The following NAPG variants were observed in gnomAD, a reference collection of about 807,000 sequenced individuals.
NAPG encodes the protein gamma-soluble NSF attachment protein.
A neutral mutation model predicts 48.4 loss-of-function variants in NAPG; 25 were observed. That is an observed-to-expected ratio of 0.52 (90% CI 0.38 to 0.72). The LOEUF is 0.72. Ranked by LOEUF, NAPG falls within the 30% of genes least tolerant of loss-of-function variation. NAPG has a pLI of 0.00. For missense variants in NAPG, 359 were observed against 372.5 expected, an observed-to-expected ratio of 0.96 and a Z score of 0.30; for synonymous variants, 139 against 127.2, an observed-to-expected ratio of 1.09 and a Z score of -0.62.
chr18:10,549,090 C>G lies in NAPG; in HGVS notation c.789C>G (p.Asp263Glu). 1 of 1,613,224 alleles carries G rather than the reference C, an allele frequency of 6.2e-7. No homozygotes were observed. Among genetic ancestry groups the G allele is most frequent in the Non-Finnish European group, 8.5e-7 (1 of 1,179,416 alleles). The stretch of plus-strand genomic sequence containing the variant: ...ACTCACCGCTTTTCAAGTACATGGA[C>G]AATGATGTAAGTGGACCCATTTGCA... ...VCNSPLFKYM[D>E]NDYAKLGLSL... Residue 263 changes from aspartate (D) to glutamate (E), a missense_variant, in exon 11 of 12, where the codon GAC (aspartate) becomes GAG (glutamate). Transcript: ENST00000322897.
chr18:10,530,699 T>C, intron 1 of NAPG, 71 bp from the exon 2 acceptor site: 1 of 871,230 alleles, frequency 1.1e-6, no homozygotes. Flanking sequence ...ACCTAGAAGG[T>C]CATTACAAGC....
intron 3 of NAPG, 184 bp from the exon 4 acceptor site, chr18:10,533,352 G>A (rs2031969158): frequency 2.2e-6 from 1 of 454,772 alleles, no homozygotes; most frequent in African/African-American, 2.0e-5. Flanking sequence ...GTGGTTTTGG[G>A]AATTATGTAG....
chr18:10,533,699 A>G (rs1445113675), intron 4 of NAPG, 146 bp downstream of exon 4: 1 of 645,224 alleles, frequency 1.5e-6, no homozygotes, highest in Non-Finnish European at 2.5e-6. Flanking sequence ...TTTTACCTAA[A>G]CCTTAAAAAC....
rs1400504366 is a variant in NAPG, at chr18:10,534,907, A to G, written c.258+411A>G. On this transcript the variant is annotated intron_variant, in intron 5 of 11. Transcript: ENST00000322897. The surrounding 1 kb of genome is among the most constrained non-coding windows in gnomAD (Gnocchi z 5.0). ...ACTTATGTGAATAACAGTTGGCAGC[A>G]GAAACAACCACAGATTTAAGCTTTT... is the stretch of plus-strand genomic sequence containing the variant. Among the ~76,000 whole-genome samples the G allele has an allele frequency of 2.0e-5, 3 of 152,258 alleles. No homozygotes were observed. Among genetic ancestry groups the G allele is most frequent in the Non-Finnish European group, 4.4e-5 (3 of 68,054 alleles).
At chr18:10,535,103 G>A (rs544121615) in intron 5 of NAPG, among the ~76,000 whole-genome samples, 3 of 152,166 alleles carry the variant, frequency 2.0e-5, no homozygotes, top group Non-Finnish European at 4.4e-5. Flanking sequence ...TTGAAATGAA[G>A]TATTTGTCTT....
At position 10,533,637 on chromosome 18, in the gene NAPG, A is replaced by C. The variant is rs544205220; in HGVS notation, c.227+84A>C. On this transcript the variant is annotated intron_variant, in intron 4 of 11. Transcript: ENST00000322897. The stretch of plus-strand genomic sequence containing the variant: ...TCTGTAGGTTGGTAATTTTTTCCCA[A>C]ATTATAAATTTTGTATTGATTTAAA... The C allele has an allele frequency of 3.5e-5, 41 of 1,182,676 alleles. No individual in the cohort carries two copies. In the Admixed American group the frequency reaches 8.6e-4, roughly 25 times the overall value. The allele number at this position is 1,182,676 out of a possible 1,614,324, so 73.3% of individuals were successfully genotyped here. A position where few individuals can be genotyped will look rare whatever the true frequency, so the allele number is the denominator to read the frequency against.
At chr18:10,536,407 A>G (rs2032033757) in intron 5 of NAPG, among the ~76,000 whole-genome samples, 1 of 152,206 alleles carries the variant, frequency 6.6e-6, no homozygotes, top group South Asian at 2.1e-4. Context: ...GGGGAGTGCC[A>G]TTTTGTAGAC....
At chr18:10,533,626 AT>A (rs2031974941) in intron 4 of NAPG, 73 bp downstream of exon 4, 10 of 1,273,484 alleles carry the variant, frequency 7.9e-6, no homozygotes, top group Admixed American at 5.0e-5. Flanking sequence ...TAGGTTGGTA[AT>A]TTTTTCCCAA....
At chr18:10,526,235 G>C in intron 1 of NAPG, 77 bp downstream of exon 1, 1 of 878,444 alleles carries the variant, frequency 1.1e-6, no homozygotes, top group Non-Finnish European at 1.8e-6. Context: ...GCACCCGGGG[G>C]GGGCGGGAGG....
At chr18:10,532,868 A>AAG in intron 3 of NAPG, 73 bp downstream of exon 3, 3 of 1,269,158 alleles carry the variant, frequency 2.4e-6, no homozygotes, top group Non-Finnish European at 3.3e-6. Flanking sequence ...CTTGCTGTAA[A>AAG]TTTACTTTAC....
rs961806631 is a variant in NAPG at position 10,526,065 on chromosome 18, G to C, written c.-38G>C. ...TTCTTGGCGCCGGAGGAAGAGGCAG[G>C]GTCACCCTCTCTCCACGTCAGAGAC... On this transcript the variant is annotated 5_prime_UTR_variant, in exon 1 of 12. Transcript: ENST00000322897. 2.5e-6 allele frequency: 4 copies of C among 1,602,080 alleles called. No individual in the cohort carries two copies. Among genetic ancestry groups the C allele is most frequent in the Non-Finnish European group, 2.6e-6 (3 of 1,169,594 alleles).
chr18:10,533,511 C>T lies in NAPG; in HGVS notation c.210-25C>T, dbSNP rs368430286. On this transcript the variant is annotated intron_variant, in intron 3 of 11. Coordinates refer to ENST00000322897, the MANE Select transcript of NAPG (RefSeq NM_003826.3). ...ATTGATTTTTTTCTTTTTTCCTTAA[C>T]TTTGACTTCGTTACTTCCATTCAGT... 5.6e-5 allele frequency: 89 copies of T among 1,585,812 alleles called. 1 individual carries two copies. In the African/African-American group the frequency reaches 1.1e-3, roughly 19 times the overall value.
At chr18:10,536,053 TGCTCAAACACTCTAATTCTCACA>T (rs1179995582) in intron 5 of NAPG, among the ~76,000 whole-genome samples, 1 of 152,176 alleles carries the variant, frequency 6.6e-6, no homozygotes, top group East Asian at 1.9e-4. Context: ...GTTTAAGAAA[TGCTCAAACACTCTAATTCTCACA>T]GCCTCAGTTT....
intron 8 of NAPG, among the ~76,000 whole-genome samples, chr18:10,541,666 T>G (rs2032160536): frequency 1.3e-5 from 2 of 152,172 alleles, no homozygotes; most frequent in African/African-American, 4.8e-5. Context: ...TCTTCTGTTC[T>G]CATCTCCTGA....
rs575949373 is a variant in NAPG, at chr18:10,544,454, G to T, written c.507-1872G>T. 6.6e-5 allele frequency among the ~76,000 whole-genome samples: 10 copies of T among 152,342 alleles called. No individual in the cohort carries two copies. The highest frequency in any genetic ancestry group is 1.9e-4 in the African/African-American group (8 of 41,590). On this transcript the variant is annotated intron_variant, in intron 8 of 11. Transcript: ENST00000322897. This position sits in a 1 kb window ranked among gnomAD's most constrained non-coding sequence, Gnocchi z 5.1. The stretch of plus-strand genomic sequence containing the variant: ...GATTTCCTTGCAGCTGTGTGGAAGA[G>T]ATTCCTGTTTTCTTGTTGCCTGTTC...
rs76314309 is a variant in NAPG, at chr18:10,548,168, T to G, written c.586-131T>G. The G allele has an allele frequency of 0.068, 44,516 of 656,002 alleles. 1,951 individuals are homozygous for G. Among genetic ancestry groups the G allele is most frequent in the Non-Finnish European group, 0.087 (32,484 of 373,082 alleles). The allele number at this position is 656,002 out of a possible 1,614,324, so 40.6% of individuals were successfully genotyped here. ...CTCAGGTGTCCCGTGGAAGTTACTA[T>G]AGCATTTATAAATCTCTGTTTATAC... On this transcript the variant is annotated intron_variant, in intron 9 of 11. Coordinates refer to ENST00000322897, the MANE Select transcript of NAPG (RefSeq NM_003826.3). The surrounding 1 kb of genome is among the most constrained non-coding windows in gnomAD (Gnocchi z 4.4).
In NAPG at chr18:10,534,475, G is replaced by A; in HGVS notation, c.237G>A (p.Glu79=). The change falls in exon 5 of 12, where the codon GAG becomes GAA. Residue 79 remains glutamate, a synonymous_variant. Coordinates refer to ENST00000322897, the MANE Select transcript of NAPG (RefSeq NM_003826.3). This position sits in a 1 kb window ranked among gnomAD's most constrained non-coding sequence, Gnocchi z 5.0. ...RALFHAAKAY[E]QAGMMLKEMQ... ...TATATTCTCTTTGCAGAGCTTATGA[G>A]CAAGCTGGAATGATGTTGAAGGTCA... The A allele has an allele frequency of 1.2e-6, 2 of 1,613,232 alleles. No individual in the cohort carries two copies. Among genetic ancestry groups the A allele is most frequent in the South Asian group, 1.1e-5 (1 of 91,060 alleles).
intron 1 of NAPG, 105 bp downstream of exon 1, chr18:10,526,263 G>A (rs2031806447): frequency 1.3e-6 from 1 of 787,774 alleles, no homozygotes; most frequent in African/African-American, 1.8e-5. Context: ...CAGGGCTGAG[G>A]GGCCTCGGCG....
chr18:10,539,988 G>A lies in NAPG; in HGVS notation c.369G>A (p.Lys123=). 2 of 1,604,062 alleles carry A rather than the reference G, an allele frequency of 1.2e-6. No individual in the cohort carries two copies. Among genetic ancestry groups the A allele is most frequent in the South Asian group, 1.1e-5 (1 of 89,792 alleles). Residue 123 remains lysine (K), a splice_region_variant and synonymous_variant, in exon 7 of 12, where the codon AAG becomes AAA. Coordinates refer to ENST00000322897, the MANE Select transcript of NAPG (RefSeq NM_003826.3). This position sits in a 1 kb window ranked among gnomAD's most constrained non-coding sequence, Gnocchi z 4.7. ...AGACATGTTTTCTTGTCTGATTCAGGCTTATAGAAAATGTTGATCCAGAGA... is the reference window on the plus strand; with the variant it reads ...AGACATGTTTTCTTGTCTGATTCAGACTTATAGAAAATGTTGATCCAGAGA... ...TAAMALERAG[K]LIENVDPEKA...
Sources: allele counts gnomAD v4.1 joint callset (sites outside exome capture counted in the v4.1 genomes callset), GRCh38; gene constraint gnomAD v4.1.1; non-coding constraint Gnocchi (gnomAD v3.1); transcripts MANE v1.5; gene names NCBI Gene and HGNC (gene_info 2026-07-23, HGNC 2026-07-21).